The following LINGO2 variants were observed in gnomAD, a reference collection of about 807,000 sequenced individuals.
LINGO2 encodes the protein leucine-rich repeat and immunoglobulin-like domain-containing nogo receptor-interacting protein 2.
In LINGO2, 14 loss-of-function variants were observed where a neutral mutation model predicts 30.6. The observed-to-expected ratio is 0.46, with a 90% CI of 0.30 to 0.72. LINGO2 has a LOEUF of 0.72. Ranked by LOEUF, LINGO2 falls within the 30% of genes least tolerant of loss-of-function variation. LINGO2 has a pLI of 0.07. For synonymous variants in LINGO2, 317 were observed against 288.5 expected (o/e 1.10, Z -1.00); for missense variants, 729 against 751.7 (o/e 0.97, Z 0.35).
At chr9:28,904,617 A>G in the LINGO2 span, among the ~76,000 whole-genome samples, 4 of 152,046 alleles carry the variant, frequency 2.6e-5, no homozygotes, top group African/African-American at 7.2e-5. Context: ...TAGATACAAA[A>G]AAACTTTAAA....
chr9:28,994,892 G>A, the LINGO2 span, among the ~76,000 whole-genome samples: 6 of 152,072 alleles, frequency 3.9e-5, no homozygotes, highest in African/African-American at 7.2e-5. Flanking sequence ...AGACTTAAAC[G>A]TTAGACCTAA....
intron 2 of LINGO2, among the ~76,000 whole-genome samples, chr9:28,450,212 T>C (rs1472087665): frequency 6.6e-6 from 1 of 152,086 alleles, no homozygotes; most frequent in East Asian, 1.9e-4. Context: ...GTAACAGATT[T>C]AAGGACATTC....
chr9:27,999,143 C>G (rs554194722), intron 5 of LINGO2, among the ~76,000 whole-genome samples: 7 of 151,900 alleles, frequency 4.6e-5, no homozygotes, highest in Non-Finnish European at 1.0e-4. Flanking sequence ...GGACCTCATA[C>G]TCCAGGTTAG....
chr9:29,104,401 G>A, the LINGO2 span, among the ~76,000 whole-genome samples: 2 of 152,086 alleles, frequency 1.3e-5, no homozygotes, highest in Non-Finnish European at 2.9e-5. Flanking sequence ...GAGCAGGAGA[G>A]AGAGGGCTTG....
At chr9:28,814,079 C>T in the LINGO2 span, among the ~76,000 whole-genome samples, 4 of 152,158 alleles carry the variant, frequency 2.6e-5, no homozygotes, top group Admixed American at 1.3e-4. Context: ...GCACTCTTCA[C>T]AAGCCTATAT....
the LINGO2 span, among the ~76,000 whole-genome samples, chr9:29,099,064 A>C: frequency 3.0e-4 from 46 of 152,330 alleles, no homozygotes; most frequent in Non-Finnish European, 4.9e-4. Flanking sequence ...TAGAGAACCC[A>C]GAAACAAATC....
At chr9:28,145,888 C>A (rs1461011112) in intron 4 of LINGO2, among the ~76,000 whole-genome samples, 1 of 152,144 alleles carries the variant, frequency 6.6e-6, no homozygotes, top group East Asian at 1.9e-4. Flanking sequence ...CGAAATTCTT[C>A]CCCTTAAGAC....
the LINGO2 span, among the ~76,000 whole-genome samples, chr9:29,096,578 G>A: frequency 5.0e-5 from 7 of 140,500 alleles, 2 homozygotes; most frequent in South Asian, 1.6e-3. Flanking sequence ...GAGCCACCAT[G>A]GCCAGCCTCT....
intron 2 of LINGO2, among the ~76,000 whole-genome samples, chr9:28,424,633 T>A (rs1332251657): frequency 5.3e-5 from 8 of 152,206 alleles, no homozygotes; most frequent in Non-Finnish European, 1.2e-4. Context: ...AATTAACATG[T>A]AAGCCGACGT....
chr9:28,980,364 T>C, the LINGO2 span, among the ~76,000 whole-genome samples: 1,362 of 152,178 alleles, frequency 9.0e-3, 27 homozygotes, highest in African/African-American at 0.031. Flanking sequence ...AAATTTTAAA[T>C]AAGGACATCA....
At chr9:28,512,628 T>TATAC (rs1253081490) in intron 1 of LINGO2, among the ~76,000 whole-genome samples, 14 of 8,728 alleles carry the variant, frequency 1.6e-3, no homozygotes, top group Non-Finnish European at 5.2e-3. Flanking sequence ...TATATATATA[T>TATAC]ATATATATAC....
At chr9:28,813,131 G>A in the LINGO2 span, among the ~76,000 whole-genome samples, 2 of 150,382 alleles carry the variant, frequency 1.3e-5, no homozygotes, top group African/African-American at 2.5e-5. Context: ...GAGCACTCCA[G>A]ATTTTGAGGT....
chr9:28,283,932 T>C (rs1486430584), intron 4 of LINGO2, among the ~76,000 whole-genome samples: 2 of 152,174 alleles, frequency 1.3e-5, no homozygotes, highest in South Asian at 2.1e-4. Flanking sequence ...AGTATGTTAA[T>C]TTCATGCTAA....
chr9:28,088,914 C>A (rs1272332955), intron 4 of LINGO2, among the ~76,000 whole-genome samples: 2 of 152,110 alleles, frequency 1.3e-5, no homozygotes, highest in African/African-American at 4.8e-5. Context: ...GGGTTCCAAT[C>A]CTAGTCTCTG....
At chr9:28,575,912 C>T (rs1166111453) in intron 1 of LINGO2, among the ~76,000 whole-genome samples, 1 of 133,206 alleles carries the variant, frequency 7.5e-6, no homozygotes, top group Non-Finnish European at 1.6e-5. Flanking sequence ...TATAATTATC[C>T]TCTTAGCCTT....
the LINGO2 span, among the ~76,000 whole-genome samples, chr9:29,055,945 T>TGTAC: frequency 3.0e-5 from 2 of 67,322 alleles, no homozygotes; most frequent in African/African-American, 1.0e-4. Flanking sequence ...TGTGTGTATA[T>TGTAC]ATACATATAT....
the LINGO2 span, among the ~76,000 whole-genome samples, chr9:29,098,485 A>G: frequency 7.9e-5 from 12 of 151,970 alleles, no homozygotes; most frequent in Non-Finnish European, 1.8e-4. Flanking sequence ...ACACACACAC[A>G]CATACACACA....
the LINGO2 span, among the ~76,000 whole-genome samples, chr9:28,896,041 C>T: frequency 2.6e-5 from 4 of 152,020 alleles, no homozygotes; most frequent in African/African-American, 7.2e-5. Flanking sequence ...AAAAGGATGA[C>T]AGTCCAGTAA....
chr9:28,763,641 A>T, the LINGO2 span, among the ~76,000 whole-genome samples: 1 of 151,836 alleles, frequency 6.6e-6, no homozygotes, highest in South Asian at 2.1e-4. Flanking sequence ...AAAGAAAAAA[A>T]AATTAAACTC....
Sources: gnomAD v4.1 joint callset for allele counts (sites outside exome capture counted in the v4.1 genomes callset) on GRCh38, gnomAD v4.1.1 for gene constraint, MANE v1.5 for transcripts, NCBI Gene and HGNC (gene_info 2026-07-23, HGNC 2026-07-21) for gene names.